OBI1: variants seen among roughly 807,000 people sequenced by gnomAD.
The protein encoded by OBI1 is ring finger protein 219.
In OBI1, 59 loss-of-function variants were observed where a neutral mutation model predicts 62.4. The ratio of observed to expected loss-of-function variants is 0.95; its 90% CI spans 0.77 to 1.17. The LOEUF is 1.17. Among genes scored for constraint, OBI1 ranks in the 50% most tolerant of loss-of-function variants. The probability of loss-of-function intolerance (pLI) is 0.00; values close to 1 mark genes in which losing one functional copy is unlikely to be tolerated. For synonymous variants in OBI1, 302 were observed against 292.8 expected (o/e 1.03, Z -0.32); for missense variants, 875 against 830.9 (o/e 1.05, Z -0.65).
chr13:78,644,201 A>G (rs1335248303), intron 2 of OBI1, among the ~76,000 whole-genome samples: 1 of 152,246 alleles, frequency 6.6e-6, no homozygotes, highest in Non-Finnish European at 1.5e-5. Flanking sequence ...ACCACAAGTA[A>G]TATTTGTAAA....
intron 3 of OBI1, among the ~76,000 whole-genome samples, chr13:78,641,236 A>G (rs1876207066): frequency 6.6e-6 from 1 of 152,238 alleles, no homozygotes; most frequent in Admixed American, 6.5e-5. Flanking sequence ...TAAATGTCAC[A>G]CAGATAGTAC....
chr13:78,616,487 T>G lies in OBI1; in HGVS notation c.1274A>C (p.Lys425Thr). The G allele has an allele frequency of 6.2e-7, 1 of 1,614,082 alleles. No homozygotes were observed. Among genetic ancestry groups the G allele is most frequent in the Non-Finnish European group, 8.5e-7 (1 of 1,180,016 alleles). Residue 425 changes from lysine to threonine, a missense_variant, in exon 6 of 6, where the codon AAA becomes ACA. Coordinates refer to ENST00000282003, the MANE Select transcript of OBI1 (RefSeq NM_024546.4). The part of the protein sequence containing the change: ...GSKKHSNHLR[K>T]LVFDDFCDSS... Reference sequence around the variant, plus strand: ...ATCACAAAAATCATCAAACACCAATTTTCTGAGATGGTTTGAGTGCTTTTT... The same window carrying G: ...ATCACAAAAATCATCAAACACCAATGTTCTGAGATGGTTTGAGTGCTTTTT...
At chr13:78,620,617 A>T (rs944876425) in intron 5 of OBI1, 4 of 192,072 alleles carry the variant, frequency 2.1e-5, no homozygotes, top group African/African-American at 2.0e-4. Context: ...ATTCTGGATG[A>T]GAGAGAAAAG....
intron 1 of OBI1, among the ~76,000 whole-genome samples, chr13:78,650,050 G>A (rs1480801541): frequency 6.6e-6 from 1 of 152,190 alleles, no homozygotes; most frequent in Non-Finnish European, 1.5e-5. Context: ...ACATTGTTGA[G>A]TTCCTTTTCC....
chr13:78,636,576 G>A (rs1299400348), intron 4 of OBI1, among the ~76,000 whole-genome samples: 2 of 152,064 alleles, frequency 1.3e-5, no homozygotes. Flanking sequence ...CATTATTTGG[G>A]GGCATAAAGT....
chr13:78,647,851 A>C (rs1301575603), intron 1 of OBI1, among the ~76,000 whole-genome samples: 1 of 152,160 alleles, frequency 6.6e-6, no homozygotes, highest in Non-Finnish European at 1.5e-5. Context: ...TGGCTTTCTG[A>C]ACATTCTGGT....
chr13:78,634,745 T>C (rs529249849), intron 5 of OBI1, among the ~76,000 whole-genome samples: 1 of 152,232 alleles, frequency 6.6e-6, no homozygotes, highest in Non-Finnish European at 1.5e-5. Flanking sequence ...AAGAACTATA[T>C]GAACATTAAC....
Position 78,616,586 on chromosome 13 carries a change from G to C in OBI1, c.1175C>G (p.Pro392Arg), listed in dbSNP as rs1032924178. 6.2e-7 allele frequency: 1 copy of C among 1,614,100 alleles called. No individual in the cohort carries two copies. Among genetic ancestry groups the C allele is most frequent in the Non-Finnish European group, 8.5e-7 (1 of 1,180,012 alleles). The change falls in exon 6 of 6, where the codon CCT becomes CGT. Residue 392 changes from proline to arginine, a missense_variant. Transcript: ENST00000282003. ...GAGCTGAAGGCAACTAAGGGACAAAGGAGTACAAGGAGCTGGAAGATCATA... is the reference window on the plus strand; with the variant it reads ...GAGCTGAAGGCAACTAAGGGACAAACGAGTACAAGGAGCTGGAAGATCATA... ...ELYDLPAPCT[P>R]LSLSCLQLST...
chr13:78,626,554 A>C (rs1875672878), intron 5 of OBI1, among the ~76,000 whole-genome samples: 1 of 151,982 alleles, frequency 6.6e-6, no homozygotes, highest in Admixed American at 6.5e-5. Flanking sequence ...TCACATATAA[A>C]CCAACAACTG....
Position 78,616,173 on chromosome 13 carries a change from T to C in OBI1, c.1588A>G (p.Met530Val). 1.9e-6 allele frequency: 3 copies of C among 1,614,002 alleles called. No homozygotes were observed. Among genetic ancestry groups the C allele is most frequent in the Non-Finnish European group, 1.7e-6 (2 of 1,179,860 alleles). ...ATTTTGTCAAGGTAAGCAGCATCCA[T>C]CGATGCTTCACTGGATGTTCTTGTC... is the stretch of plus-strand genomic sequence containing the variant. ...NRTRTSSEASMDAAYLDKISE... is the reference protein window; with the variant it reads ...NRTRTSSEASVDAAYLDKISE... The change falls in exon 6 of 6, where the codon ATG becomes GTG. Residue 530 changes from methionine to valine, a missense_variant. By Grantham distance (21) the Met-to-Val change is conservative. Coordinates refer to ENST00000282003, the MANE Select transcript of OBI1 (RefSeq NM_024546.4).
chr13:78,645,156 T>C (rs1876344062), intron 1 of OBI1, among the ~76,000 whole-genome samples, 159 bp from the exon 2 acceptor site: 1 of 144,652 alleles, frequency 6.9e-6, no homozygotes, highest in South Asian at 2.2e-4. Context: ...TTGGTCACTT[T>C]TCTTTTTACA....
In OBI1 at chr13:78,638,942, G is replaced by C. The variant is rs199807757; in HGVS notation, c.430C>G (p.Leu144Val). Residue 144 changes from leucine to valine, a missense_variant, in exon 4 of 6, where the codon CTA becomes GTA. Transcript: ENST00000282003. ...VQGNQNEDKHLVTDNPSKINP... is the reference protein window; with the variant it reads ...VQGNQNEDKHVVTDNPSKINP... The stretch of plus-strand genomic sequence containing the variant: ...ATTTTACTTGGATTATCTGTGACTA[G>C]ATGTTTGTCTTCATTTTGGTTGCCC... 3.1e-6 allele frequency: 5 copies of C among 1,613,950 alleles called. No homozygotes were observed. The highest frequency in any genetic ancestry group is 4.2e-6 in the Non-Finnish European group (5 of 1,179,938).
At chr13:78,631,187 AC>A (rs1484517423) in intron 5 of OBI1, among the ~76,000 whole-genome samples, 1 of 152,146 alleles carries the variant, frequency 6.6e-6, no homozygotes, top group Non-Finnish European at 1.5e-5. Flanking sequence ...CTCAATAGAT[AC>A]GTAGTAGGAG....
intron 1 of OBI1, among the ~76,000 whole-genome samples, chr13:78,658,749 C>G (rs539922049): frequency 5.9e-5 from 9 of 152,182 alleles, no homozygotes; most frequent in Non-Finnish European, 1.0e-4. Flanking sequence ...ATGGGGCCTC[C>G]TTCGAGGCCG....
intron 1 of OBI1, among the ~76,000 whole-genome samples, chr13:78,647,654 C>T (rs2137464005): frequency 6.6e-6 from 1 of 152,316 alleles, no homozygotes; most frequent in East Asian, 1.9e-4. Context: ...CGGTGCAGGT[C>T]CTCCATATGC....
intron 4 of OBI1, among the ~76,000 whole-genome samples, chr13:78,637,133 CT>C (rs1946591934): frequency 6.6e-6 from 1 of 152,196 alleles, no homozygotes; most frequent in Admixed American, 6.5e-5. Context: ...TGGTTCAAAA[CT>C]CACCCATTCC....
chr13:78,633,804 A>C (rs2137445383), intron 5 of OBI1, among the ~76,000 whole-genome samples: 1 of 152,196 alleles, frequency 6.6e-6, no homozygotes, highest in Admixed American at 6.5e-5. Context: ...GTGGTGGCTC[A>C]CGCCTGTAAT....
intron 5 of OBI1, among the ~76,000 whole-genome samples, chr13:78,632,882 A>C (rs2137444203): frequency 6.6e-6 from 1 of 152,280 alleles, no homozygotes. Flanking sequence ...GAACCAATGG[A>C]AGTTAAAGAT....
At chr13:78,634,558 A>C (rs1264761209) in intron 5 of OBI1, among the ~76,000 whole-genome samples, 1 of 152,082 alleles carries the variant, frequency 6.6e-6, no homozygotes, top group Admixed American at 6.6e-5. Flanking sequence ...CTGCCTCCCA[A>C]AGTGCTGGGA....
Sources: allele counts gnomAD v4.1 joint callset (sites outside exome capture counted in the v4.1 genomes callset), GRCh38; gene constraint gnomAD v4.1.1; transcripts MANE v1.5; gene names NCBI Gene and HGNC (gene_info 2026-07-23, HGNC 2026-07-21).